The following TSPOAP1 variants were observed in gnomAD, a reference collection of about 807,000 sequenced individuals.
The protein encoded by TSPOAP1 is TSPO associated protein 1.
A neutral mutation model predicts 197.0 loss-of-function variants in TSPOAP1; 87 were observed. That is an observed-to-expected ratio of 0.44 (90% CI 0.37 to 0.53). The LOEUF (loss-of-function observed/expected upper bound fraction) is 0.53, where lower values mean the gene tolerates loss of function less well. Among genes scored for constraint, TSPOAP1 ranks in the 20% least tolerant of loss-of-function variants. TSPOAP1 has a pLI of 0.00. For synonymous variants in TSPOAP1, 913 were observed against 998.9 expected, an observed-to-expected ratio of 0.91 and a Z score of 1.62; for missense variants, 2,174 against 2,411.3, an observed-to-expected ratio of 0.90 and a Z score of 2.06.
In TSPOAP1 at chr17:58,309,348, G is replaced by A. The variant is rs370188184; in HGVS notation, c.3924C>T (p.Ser1308=). 3.7e-5 allele frequency: 59 copies of A among 1,612,532 alleles called. No individual in the cohort carries two copies. Among genetic ancestry groups the A allele is most frequent in the Non-Finnish European group, 4.7e-5 (56 of 1,179,828 alleles). Residue 1308 remains serine, a synonymous_variant, in exon 22 of 32, where the codon AGC becomes AGT. Coordinates refer to ENST00000343736, the MANE Select transcript of TSPOAP1 (RefSeq NM_004758.4). This position sits in a 1 kb window ranked among gnomAD's most constrained non-coding sequence, Gnocchi z 5.0. ...SQPDPFCETD[S]DEEILEQILE... ...GGATCTGCTCCAAGATCTCCTCATC[G>A]CTGTCAGTCTCACAAAAGGGGTCGG...
rs1039194823 is a variant in TSPOAP1 at position 58,309,780 on chromosome 17, C to T, written c.3891+187G>A. On this transcript the variant is annotated intron_variant, in intron 21 of 31. Transcript: ENST00000343736. This position sits in a 1 kb window ranked among gnomAD's most constrained non-coding sequence, Gnocchi z 5.0. ...GTACAGAAATGAACTCCTCCCCTTC[C>T]CCTTTCTTTCCAGGAGGGCAGGGGC... is the stretch of plus-strand genomic sequence containing the variant. Among the ~76,000 whole-genome samples, 2 of 152,296 alleles carry T rather than the reference C, an allele frequency of 1.3e-5. No individual in the cohort carries two copies. The highest frequency in any genetic ancestry group is 3.9e-4 in the East Asian group (2 of 5,188).
Position 58,322,373 on chromosome 17 carries a change from C to T in TSPOAP1, c.1357G>A (p.Val453Met). The T allele has an allele frequency of 6.2e-7, 1 of 1,606,316 alleles. No individual in the cohort carries two copies. Among genetic ancestry groups the T allele is most frequent in the African/African-American group, 1.3e-5 (1 of 75,036 alleles). Residue 453 changes from valine (V) to methionine (M), a missense_variant, in exon 10 of 32, where the codon GTG becomes ATG. By Grantham distance (21) the Val-to-Met change is conservative. This residue lies in a region of TSPOAP1 where 1,933 missense variants were observed against 2,139.0 expected (regional missense o/e 0.90). Transcript: ENST00000343736. The surrounding 1 kb of genome is among the most constrained non-coding windows in gnomAD (Gnocchi z 5.0). ...EVAQRRQQLE[V>M]EHEQARLSLR... is the part of the protein sequence containing the mutation. ...CTGAGCCGAGCCTGTTCATGCTCCA[C>T]CTCCAGCTGCTGCCGCCGCTGGGCC... is the stretch of plus-strand genomic sequence containing the variant.
Position 58,305,853 on chromosome 17 carries a change from C to T in TSPOAP1, c.5237G>A (p.Gly1746Asp). The stretch of plus-strand genomic sequence containing the variant: ...TTCACCTGGACAGGGCTGGGCAGGG[C>T]CTTCCGACTCAGCTGTGGAAAGAAT... Reference protein sequence around the residue: ...PRRSKKAESEGPAQPCPGPPK... With the variant: ...PRRSKKAESEDPAQPCPGPPK... The change falls in exon 27 of 32, where the codon GGC becomes GAC. Residue 1746 changes from glycine to aspartate, a missense_variant. This residue lies in a region of TSPOAP1 where 161 missense variants were observed against 159.1 expected (regional missense o/e 1.01). Transcript: ENST00000343736. 1 of 1,612,790 alleles carries T rather than the reference C, an allele frequency of 6.2e-7. No homozygotes were observed. The highest frequency in any genetic ancestry group is 8.5e-7 in the Non-Finnish European group (1 of 1,179,742).
chr17:58,325,968 C>T (rs1280462311), intron 3 of TSPOAP1, among the ~76,000 whole-genome samples: 1 of 152,150 alleles, frequency 6.6e-6, no homozygotes, highest in East Asian at 1.9e-4. Flanking sequence ...GGGTCTCATC[C>T]CTGCCCCCAC....
In TSPOAP1 at chr17:58,308,791, C is replaced by T; in HGVS notation, c.4481G>A (p.Cys1494Tyr). 6.2e-7 allele frequency: 1 copy of T among 1,613,050 alleles called. No homozygotes were observed. Among genetic ancestry groups the T allele is most frequent in the Non-Finnish European group, 8.5e-7 (1 of 1,179,978 alleles). The change falls in exon 22 of 32, where the codon TGC becomes TAC. Residue 1494 changes from cysteine to tyrosine, a missense_variant. Coordinates refer to ENST00000343736, the MANE Select transcript of TSPOAP1 (RefSeq NM_004758.4). ...ATCATATTCAATGCTGATTTCCAAG[C>T]ACTTGGGGGAAAGGCAGCTGGCCAG... is the stretch of plus-strand genomic sequence containing the variant. ...PGLASCLSPK[C>Y]LEISIEYDSE...
At chr17:58,325,491 G>A (rs757871077) in intron 4 of TSPOAP1, 43 bp downstream of exon 4, 12 of 1,608,182 alleles carry the variant, frequency 7.5e-6, no homozygotes, top group Non-Finnish European at 1.0e-5. Flanking sequence ...AGATGGCCCT[G>A]TGCAGGGCTG....
rs1302156152 is a variant in TSPOAP1 at position 58,325,646 on chromosome 17, C to T, written c.638G>A (p.Arg213Gln). 1.2e-6 allele frequency: 2 copies of T among 1,613,364 alleles called. No homozygotes were observed. The highest frequency in any genetic ancestry group is 1.7e-5 in the Admixed American group (1 of 60,014). ...ELCRKALARQRARDLSETASA... is the reference protein window; with the variant it reads ...ELCRKALARQQARDLSETASA... Reference sequence around the variant, plus strand: ...GGCTGTCTCACTGAGGTCCCGGGCTCGCTGGCGGGCTAGGGCCTTCCGACA... The same window carrying T: ...GGCTGTCTCACTGAGGTCCCGGGCTTGCTGGCGGGCTAGGGCCTTCCGACA... The change falls in exon 4 of 32, where the codon CGA becomes CAA. Residue 213 changes from arginine (R) to glutamine (Q), a missense_variant. Transcript: ENST00000343736.
intron 10 of TSPOAP1, among the ~76,000 whole-genome samples, chr17:58,321,888 C>T (rs976271700): frequency 6.6e-5 from 10 of 152,316 alleles, no homozygotes; most frequent in Non-Finnish European, 5.9e-5. Context: ...CCGACAGGAT[C>T]GGGTTCTTGT....
At chr17:58,313,972 G>A (rs887575575) in intron 16 of TSPOAP1, among the ~76,000 whole-genome samples, 3 of 152,168 alleles carry the variant, frequency 2.0e-5, no homozygotes, top group African/African-American at 7.2e-5. Context: ...GGATGTCAAG[G>A]AAGCTGGGCA....
intron 24 of TSPOAP1, chr17:58,307,394 C>T: frequency 4.9e-6 from 3 of 611,880 alleles, no homozygotes; most frequent in Non-Finnish European, 8.5e-6. Flanking sequence ...ATATTATCCC[C>T]ATTTTACCAA....
At chr17:58,318,980 G>T in intron 13 of TSPOAP1, 110 bp downstream of exon 13, 3 of 1,231,740 alleles carry the variant, frequency 2.4e-6, no homozygotes, top group Non-Finnish European at 3.3e-6. Flanking sequence ...GCTCTAACCT[G>T]CTGTGTGACT....
At chr17:58,303,640 A>G (rs72839981) in intron 31 of TSPOAP1, 9,326 of 152,252 alleles carry the variant, frequency 0.061, 293 homozygotes, top group South Asian at 0.1. Context: ...GAACTACTCA[A>G]ACTTCCCTTT....
intron 14 of TSPOAP1, among the ~76,000 whole-genome samples, chr17:58,317,640 G>T (rs903465435): frequency 3.9e-5 from 6 of 152,162 alleles, no homozygotes; most frequent in Non-Finnish European, 7.3e-5. Context: ...CTTCTGACCT[G>T]CCTCCTCCAC....
intron 11 of TSPOAP1, 25 bp downstream of exon 11, chr17:58,320,506 T>C (rs750127373): frequency 1.5e-4 from 219 of 1,510,330 alleles, no homozygotes; most frequent in Middle Eastern, 3.5e-4. Flanking sequence ...ATGGTGGAAC[T>C]GGGGGCCACT....
intron 4 of TSPOAP1, 52 bp from the exon 5 acceptor site, chr17:58,325,054 G>T: frequency 7.0e-7 from 1 of 1,427,466 alleles, no homozygotes; most frequent in Middle Eastern, 2.5e-4. Context: ...ATCCTTGCCC[G>T]CCCCATGCCA....
chr17:58,312,559 G>A lies in TSPOAP1; in HGVS notation c.2262C>T (p.Ser754=), dbSNP rs775210061. Residue 754 remains serine, a synonymous_variant, in exon 17 of 32, where the codon AGC becomes AGT. Transcript: ENST00000343736. ...FLSVGGGGSS[S]GGQSSVGRSQ... ...TCCTTCCCACACTGCTTTGGCCCCC[G>A]CTACTGCTGCCACCCCCACCTACAC... 5.6e-5 allele frequency: 90 copies of A among 1,609,994 alleles called. 1 individual carries two copies. In the Middle Eastern group the frequency reaches 1.3e-3, roughly 24 times the overall value.
At chr17:58,315,926 TG>T (rs1392863279) in intron 16 of TSPOAP1, 96 bp downstream of exon 16, 5 of 889,518 alleles carry the variant, frequency 5.6e-6, no homozygotes, top group African/African-American at 1.7e-5. Context: ...GATGGATGGA[TG>T]GATGAATGGA....
intron 14 of TSPOAP1, 131 bp from the exon 15 acceptor site, chr17:58,316,671 G>C (rs1971246559): frequency 1.5e-6 from 1 of 660,540 alleles, no homozygotes; most frequent in Non-Finnish European, 2.6e-6. Flanking sequence ...TGCTGCACAG[G>C]AGCAGTGGCA....
At chr17:58,314,873 CCAGACAT>C (rs1302480777) in intron 16 of TSPOAP1, among the ~76,000 whole-genome samples, 24 of 152,180 alleles carry the variant, frequency 1.6e-4, no homozygotes, top group African/African-American at 5.3e-4. Flanking sequence ...CCTAGGTGGC[CCAGACAT>C]AGACGAAGCA....
Sources: allele counts gnomAD v4.1 joint callset (sites outside exome capture counted in the v4.1 genomes callset), GRCh38; gene constraint gnomAD v4.1.1; regional missense constraint gnomAD v4.1.1; non-coding constraint Gnocchi (gnomAD v3.1); transcripts MANE v1.5; gene names NCBI Gene and HGNC (gene_info 2026-07-23, HGNC 2026-07-21).